Variants in FRMD6 observed in about 807,000 individuals in gnomAD.
The protein encoded by FRMD6 is FERM domain-containing protein 6.
A neutral mutation model predicts 73.2 loss-of-function variants in FRMD6; 37 were observed. The observed-to-expected ratio is 0.51, with a 90% CI of 0.39 to 0.66. FRMD6 has a LOEUF of 0.66. FRMD6 is among the 30% of genes least tolerant of loss of function. FRMD6 has a pLI of 0.00. For synonymous variants in FRMD6, 273 were observed against 282.2 expected (o/e 0.97, Z 0.33); for missense variants, 714 against 780.5 (o/e 0.91, Z 1.02).
At chr14:51,637,378 GATTT>G (rs1183476670) in intron 2 of FRMD6, 2 of 151,682 alleles carry the variant, frequency 1.3e-5, no homozygotes, top group African/African-American at 4.8e-5. Context: ...TTCTGTAATT[GATTT>G]ATGTGCTCCC....
At chr14:51,639,201 T>G (rs1050809545) in intron 2 of FRMD6, among the ~76,000 whole-genome samples, 1 of 152,146 alleles carries the variant, frequency 6.6e-6, no homozygotes, top group Non-Finnish European at 1.5e-5. Context: ...TTTGGGAGAC[T>G]GAGGCGGGCG....
chr14:51,576,790 T>TCTTGA (rs1173230043), intron 2 of FRMD6, among the ~76,000 whole-genome samples: 1 of 152,204 alleles, frequency 6.6e-6, no homozygotes, highest in Admixed American at 6.5e-5. Context: ...ACTTGGGCCA[T>TCTTGA]CTTGTCTGGC....
At chr14:51,600,536 A>G (rs1290750094) in intron 2 of FRMD6, among the ~76,000 whole-genome samples, 1 of 152,228 alleles carries the variant, frequency 6.6e-6, no homozygotes, top group African/African-American at 2.4e-5. Flanking sequence ...AGTTCCTGAC[A>G]TACCCATTTA....
chr14:51,499,432 T>C (rs1883479322), intron 1 of FRMD6, among the ~76,000 whole-genome samples: 1 of 152,258 alleles, frequency 6.6e-6, no homozygotes. Flanking sequence ...TTCAGAACTT[T>C]TGTGTTAAGT....
intron 1 of FRMD6, among the ~76,000 whole-genome samples, chr14:51,655,951 G>A (rs540871096): frequency 6.6e-6 from 1 of 152,254 alleles, no homozygotes; most frequent in Admixed American, 6.5e-5. Context: ...AACATTTTTT[G>A]TTTAAGTGCT....
At chr14:51,639,470 T>C (rs1891728192) in intron 2 of FRMD6, among the ~76,000 whole-genome samples, 1 of 152,068 alleles carries the variant, frequency 6.6e-6, no homozygotes, top group South Asian at 2.1e-4. Flanking sequence ...TAAACTCCAC[T>C]ATTAATAAGC....
At chr14:51,647,956 G>T (rs778633619), upstream of FRMD6, among the ~76,000 whole-genome samples, 46 of 152,090 alleles carry the variant, frequency 3.0e-4, no homozygotes, top group Admixed American at 5.2e-4. Flanking sequence ...CTCCTGAGTA[G>T]CTGGGATTAC....
At chr14:51,547,175 G>A (rs1424207431) in intron 1 of FRMD6, among the ~76,000 whole-genome samples, 1 of 151,914 alleles carries the variant, frequency 6.6e-6, no homozygotes, top group Non-Finnish European at 1.5e-5. Context: ...TTTCATTTCA[G>A]GAAAGTAAGT....
At chr14:51,684,777 C>T (rs866173794) in intron 1 of FRMD6, among the ~76,000 whole-genome samples, 1 of 152,262 alleles carries the variant, frequency 6.6e-6, no homozygotes, top group Middle Eastern at 3.4e-3. Context: ...GTTTAAAAAA[C>T]CCTTCAGTAG....
chr14:51,482,861 T>C, the FRMD6 span, among the ~76,000 whole-genome samples: 19 of 152,002 alleles, frequency 1.2e-4, no homozygotes, highest in Non-Finnish European at 2.4e-4. Flanking sequence ...CCACCACACC[T>C]GGCGAATTTT....
chr14:51,614,270 A>G lies in FRMD6; in HGVS notation c.-147+43860A>G, dbSNP rs767350245. 7.9e-5 allele frequency among the ~76,000 whole-genome samples: 12 copies of G among 152,178 alleles called. 2 individuals carry two copies. The Middle Eastern group carries it at 0.02, about 259-fold the overall frequency. The stretch of plus-strand genomic sequence containing the variant: ...TCTAGAAATAGGTGACTTTTCTTCA[A>G]TGTTGCAAGGCTTAAGTATTCTAGT... On this transcript the variant is annotated intron_variant, in intron 2 of 14. Coordinates refer to the FRMD6 transcript ENST00000356218.
At chr14:51,512,106 T>A (rs1402758975) in intron 1 of FRMD6, among the ~76,000 whole-genome samples, 2 of 152,182 alleles carry the variant, frequency 1.3e-5, no homozygotes, top group Non-Finnish European at 2.9e-5. Context: ...TTTTGGGTCT[T>A]GCCTCTGTGA....
rs528154784 is a variant in FRMD6, at chr14:51,537,936, T to C, written c.-209-32412T>C. On this transcript the variant is annotated intron_variant, in intron 1 of 14. Coordinates refer to the FRMD6 transcript ENST00000356218. ...TATCAGATATGTCTTTTGCAAATAT[T>C]TTCTCCCAGTCTGTGGCTTGTCTTT... 4.6e-5 allele frequency among the ~76,000 whole-genome samples: 7 copies of C among 152,338 alleles called. No individual in the cohort carries two copies. In the South Asian group the frequency reaches 1.5e-3, roughly 32 times the overall value.
intron 1 of FRMD6, among the ~76,000 whole-genome samples, chr14:51,569,491 T>TTTTC (rs966036142): frequency 2.7e-5 from 4 of 146,880 alleles, no homozygotes; most frequent in South Asian, 2.1e-4. Flanking sequence ...TAGAATTTTC[T>TTTTC]TTTCTTTCTT....
intron 9 of FRMD6, chr14:51,713,741 TTTACTTA>T (rs1897085474): frequency 6.6e-6 from 1 of 152,342 alleles, no homozygotes; most frequent in African/African-American, 2.4e-5. Flanking sequence ...CTGATTTCAC[TTTACTTA>T]TACATTACAT....
In FRMD6 at chr14:51,493,368, C is replaced by T. The variant is rs368320978; in HGVS notation, c.-210+3948C>T. Among the ~76,000 whole-genome samples, 13 of 152,264 alleles carry T rather than the reference C, an allele frequency of 8.5e-5. No individual in the cohort carries two copies. In the East Asian group the frequency reaches 1.9e-3, roughly 23 times the overall value. On this transcript the variant is annotated intron_variant, in intron 1 of 14. Coordinates refer to the FRMD6 transcript ENST00000356218. ...CTCCCATAATTCCCATAATACATGT[C>T]GTAGGAGGGACTCAGTGGGAGGTAA...
the FRMD6 span, among the ~76,000 whole-genome samples, chr14:51,429,062 GAAGA>G: frequency 1.3e-5 from 2 of 151,612 alleles, no homozygotes; most frequent in Admixed American, 1.3e-4. Flanking sequence ...GAGAAGAGGA[GAAGA>G]GAAAAGAGAA....
At chr14:51,454,110 A>G in the FRMD6 span, among the ~76,000 whole-genome samples, 1 of 152,206 alleles carries the variant, frequency 6.6e-6, no homozygotes, top group African/African-American at 2.4e-5. Flanking sequence ...TCCGTGAGTC[A>G]TTCATTGAGA....
At chr14:51,535,696 A>G (rs1235145602) in intron 1 of FRMD6, among the ~76,000 whole-genome samples, 4 of 152,174 alleles carry the variant, frequency 2.6e-5, no homozygotes, top group Non-Finnish European at 5.9e-5. Flanking sequence ...ATTCATGCAC[A>G]TATCTTTGTG....
Sources: gnomAD v4.1 joint callset for allele counts (sites outside exome capture counted in the v4.1 genomes callset) on GRCh38, gnomAD v4.1.1 for gene constraint, MANE v1.5 for transcripts, NCBI Gene and HGNC (gene_info 2026-07-23, HGNC 2026-07-21) for gene names.